Variants in ZNF215 observed in about 807,000 individuals in gnomAD.
ZNF215 encodes the protein BWSCR2-associated zinc finger protein 2.
A neutral mutation model predicts 27.2 loss-of-function variants in ZNF215; 24 were observed. The observed-to-expected ratio is 0.88, with a 90% CI of 0.64 to 1.24. The LOEUF is 1.24. ZNF215 is among the 50% of genes most tolerant of loss of function. The pLI, the probability that ZNF215 is intolerant of heterozygous loss-of-function variation, is 0.00. For missense variants in ZNF215, 675 were observed against 605.7 expected, an observed-to-expected ratio of 1.11 and a Z score of -1.20; for synonymous variants, 210 against 204.0, an observed-to-expected ratio of 1.03 and a Z score of -0.25.
At chr11:6,932,695 G>A in intron 3 of ZNF215, 23 bp downstream of exon 3, 2 of 1,572,252 alleles carry the variant, frequency 1.3e-6, no homozygotes, top group Non-Finnish European at 1.7e-6. Flanking sequence ...AGAAATTAGA[G>A]GTAAAATACT....
At chr11:6,979,956 A>G (rs1339195397) in intron 5 of ZNF215, among the ~76,000 whole-genome samples, 2 of 152,134 alleles carry the variant, frequency 1.3e-5, no homozygotes, top group Non-Finnish European at 2.9e-5. Context: ...TTCCTGAAAC[A>G]TAACCTAGAA....
intron 3 of ZNF215, among the ~76,000 whole-genome samples, chr11:6,941,095 G>T (rs1849618526): frequency 1.3e-5 from 2 of 152,190 alleles, no homozygotes; most frequent in South Asian, 4.1e-4. Context: ...AAGGTGGACA[G>T]GTTGCTTAGG....
intron 5 of ZNF215, among the ~76,000 whole-genome samples, chr11:6,966,527 T>C (rs1850621555): frequency 6.6e-6 from 1 of 152,074 alleles, no homozygotes; most frequent in South Asian, 2.1e-4. Context: ...ATCATCTAAG[T>C]TGTGGAATCT....
chr11:6,962,552 T>C (rs1316701721), downstream of ZNF215, among the ~76,000 whole-genome samples: 1 of 152,142 alleles, frequency 6.6e-6, no homozygotes, highest in Non-Finnish European at 1.5e-5. Flanking sequence ...CTGTACTCTA[T>C]TATGTTATCT....
At chr11:6,931,330 A>C (rs147397953) in intron 2 of ZNF215, among the ~76,000 whole-genome samples, 1 of 152,302 alleles carries the variant, frequency 6.6e-6, no homozygotes, top group African/African-American at 2.4e-5. Context: ...AGTGTTTCCT[A>C]CACCACGTTT....
chr11:6,989,249 TA>T (rs1851093715), downstream of ZNF215, among the ~76,000 whole-genome samples: 1 of 147,238 alleles, frequency 6.8e-6, no homozygotes, highest in Non-Finnish European at 1.5e-5. Context: ...ACCAAGCGAA[TA>T]AAATTGCTGG....
chr11:6,927,910 G>C (rs944473199), intron 2 of ZNF215, 103 bp downstream of exon 2: 3 of 151,890 alleles, frequency 2.0e-5, no homozygotes, highest in Non-Finnish European at 4.4e-5. Flanking sequence ...TCTCATTCTT[G>C]TTTAATTATA....
chr11:6,955,131 C>T (rs1459414834), intron 6 of ZNF215, among the ~76,000 whole-genome samples: 3 of 152,100 alleles, frequency 2.0e-5, no homozygotes, highest in African/African-American at 7.2e-5. Context: ...AAAAGGACTT[C>T]CTGCTATCTT....
intron 5 of ZNF215, among the ~76,000 whole-genome samples, chr11:6,981,310 T>G (rs1351257247): frequency 9.3e-5 from 14 of 150,156 alleles, no homozygotes; most frequent in African/African-American, 3.2e-4. Flanking sequence ...TTCTAACTGG[T>G]GTGAGATGGT....
chr11:6,989,150 CAAAAAAAAAA>C (rs71056776), downstream of ZNF215, among the ~76,000 whole-genome samples: 3 of 76,784 alleles, frequency 3.9e-5, no homozygotes, highest in African/African-American at 1.5e-4. Flanking sequence ...AGATCCGTCT[CAAAAAAAAAA>C]AAAAAAAAAA....
downstream of ZNF215, among the ~76,000 whole-genome samples, chr11:6,985,262 G>A (rs1851036700): frequency 6.6e-6 from 1 of 152,132 alleles, no homozygotes; most frequent in African/African-American, 2.4e-5. Context: ...GTCAATAAAT[G>A]TGATTCATCA....
At chr11:6,930,512 C>T (rs1210028242) in intron 2 of ZNF215, among the ~76,000 whole-genome samples, 1 of 152,164 alleles carries the variant, frequency 6.6e-6, no homozygotes, top group Non-Finnish European at 1.5e-5. Context: ...CTGGCTCTTA[C>T]CACTCATCTG....
At position 6,928,670 on chromosome 11, in the gene ZNF215, C is replaced by T. The variant is rs141340956; in HGVS notation, c.-180+863C>T. 2.3e-3 allele frequency among the ~76,000 whole-genome samples: 356 copies of T among 152,212 alleles called. 1 individual carries two copies. Among genetic ancestry groups the T allele is most frequent in the African/African-American group, 7.4e-3 (307 of 41,546 alleles). On this transcript the variant is annotated intron_variant, in intron 2 of 6. Transcript: ENST00000278319. ...GCAATTAACATCTCTGTTATTTTTA[C>T]TTTTTAGTATAAAGCCTTTTCTGTT...
At position 6,957,044 on chromosome 11, in the gene ZNF215, C is replaced by G; in HGVS notation, c.*513C>G. On this transcript the variant is annotated 3_prime_UTR_variant, in exon 7 of 7. Coordinates refer to ENST00000278319, the MANE Select transcript of ZNF215 (RefSeq NM_013250.4). ...AAGACAACAGTAACAGCCATTTACT[C>G]CACTCCTGACAATACCCTTTGTTGT... 2.0e-6 allele frequency: 2 copies of G among 986,434 alleles called. No homozygotes were observed. Among genetic ancestry groups the G allele is most frequent in the Non-Finnish European group, 1.2e-6 (1 of 830,668 alleles). 61.1% of individuals were successfully genotyped at this position (986,434 alleles called of 1,614,324 possible).
At chr11:6,943,058 A>T (rs778120615) in intron 4 of ZNF215, 25 bp from the exon 5 acceptor site, 1 of 1,604,808 alleles carries the variant, frequency 6.2e-7, no homozygotes, top group East Asian at 2.2e-5. Flanking sequence ...GACACCTTTG[A>T]TTAAAAAGGA....
intron 6 of ZNF215, among the ~76,000 whole-genome samples, chr11:6,954,645 T>A (rs1019453344): frequency 9.2e-5 from 14 of 152,222 alleles, no homozygotes; most frequent in Non-Finnish European, 1.6e-4. Flanking sequence ...GTCACCCCTT[T>A]CTTTGACTAG....
At chr11:6,936,388 T>G (rs1849435579) in intron 3 of ZNF215, among the ~76,000 whole-genome samples, 1 of 152,050 alleles carries the variant, frequency 6.6e-6, no homozygotes, top group Non-Finnish European at 1.5e-5. Context: ...TTAGATGCAC[T>G]TAGATGAAAT....
At chr11:6,982,364 C>T (rs1475117966) in intron 5 of ZNF215, among the ~76,000 whole-genome samples, 1 of 152,082 alleles carries the variant, frequency 6.6e-6, no homozygotes, top group Non-Finnish European at 1.5e-5. Flanking sequence ...AGAAAGTTAA[C>T]AAGGATACCC....
At chr11:6,937,104 A>C (rs1352652093) in intron 3 of ZNF215, among the ~76,000 whole-genome samples, 2 of 152,022 alleles carry the variant, frequency 1.3e-5, no homozygotes, top group Non-Finnish European at 2.9e-5. Flanking sequence ...AAAAAAAGAA[A>C]AGGTATCATG....
Sources: gnomAD v4.1 joint callset for allele counts (sites outside exome capture counted in the v4.1 genomes callset) on GRCh38, gnomAD v4.1.1 for gene constraint, MANE v1.5 for transcripts, NCBI Gene and HGNC (gene_info 2026-07-23, HGNC 2026-07-21) for gene names.